VPS35L: variants seen among roughly 807,000 people sequenced by gnomAD.
The protein encoded by VPS35L is VPS35 endosomal protein sorting factor like.
Under a neutral mutation model 133.0 loss-of-function variants are expected in VPS35L, and 83 were observed. That is an observed-to-expected ratio of 0.62 (90% CI 0.52 to 0.75). The LOEUF (loss-of-function observed/expected upper bound fraction) is 0.75, where lower values mean the gene tolerates loss of function less well. Among genes scored for constraint, VPS35L ranks in the 30% least tolerant of loss-of-function variants. The pLI, the probability that VPS35L is intolerant of heterozygous loss-of-function variation, is 0.00. For synonymous variants in VPS35L, 423 were observed against 449.9 expected (o/e 0.94, Z 0.76); for missense variants, 1,083 against 1,206.8 (o/e 0.90, Z 1.52).
In VPS35L at chr16:19,616,764, G is replaced by A; in HGVS notation, c.1180G>A (p.Ala394Thr). 1 of 1,614,162 alleles carries A rather than the reference G, an allele frequency of 6.2e-7. No individual in the cohort carries two copies. The highest frequency in any genetic ancestry group is 8.5e-7 in the Non-Finnish European group (1 of 1,180,016). ...LPSYLPLYPP[A>T]MDWIFQCISY... is the part of the protein sequence containing the mutation. ...ATCTTACCTCCCCTTGTACCCGCCT[G>A]CCATGGACTGGATCTTCCAGTGCAT... is the stretch of plus-strand genomic sequence containing the variant. The change falls in exon 14 of 31, where the codon GCC (alanine) becomes ACC (threonine). Residue 394 changes from alanine to threonine, a missense_variant. Transcript: ENST00000417362.
intron 27 of VPS35L, among the ~76,000 whole-genome samples, chr16:19,675,190 C>T (rs1461264588): frequency 6.6e-6 from 1 of 151,816 alleles, no homozygotes; most frequent in Non-Finnish European, 1.5e-5. Context: ...GGCTCAAGTG[C>T]TCCTCCAGCC....
At chr16:19,615,466 A>G (rs895561938) in intron 12 of VPS35L, among the ~76,000 whole-genome samples, 1 of 151,476 alleles carries the variant, frequency 6.6e-6, no homozygotes, top group African/African-American at 2.4e-5. Context: ...CCCGGCCAAC[A>G]TGGTGAAACC....
chr16:19,586,375 C>T (rs1385038487), intron 7 of VPS35L, among the ~76,000 whole-genome samples: 3 of 151,864 alleles, frequency 2.0e-5, no homozygotes, highest in Non-Finnish European at 4.4e-5. Context: ...GTTTCGCTCT[C>T]GTTGCCCAGG....
intron 2 of VPS35L, among the ~76,000 whole-genome samples, chr16:19,567,402 G>T (rs1971222868): frequency 6.6e-6 from 1 of 152,174 alleles, no homozygotes; most frequent in East Asian, 1.9e-4. Flanking sequence ...ATTGGGGTAG[G>T]TCTAATGCTC....
chr16:19,573,000 C>T lies in VPS35L; in HGVS notation c.286-119C>T, dbSNP rs540540713. 8.3e-6 allele frequency: 10 copies of T among 1,204,904 alleles called. No individual in the cohort carries two copies. The South Asian group carries it at 1.7e-4, about 20-fold the overall frequency. 74.6% of individuals were successfully genotyped at this position (1,204,904 alleles called of 1,614,324 possible). ...CTGTAATTTTTTTTATGATAGTAAA[C>T]CTTGAGACAAATCTCTTTTATTCCA... On this transcript the variant is annotated intron_variant, in intron 3 of 30. Transcript: ENST00000417362.
intron 14 of VPS35L, 117 bp from the exon 15 acceptor site, chr16:19,626,060 A>T: frequency 1.5e-6 from 1 of 654,258 alleles, no homozygotes; most frequent in Non-Finnish European, 2.6e-6. Flanking sequence ...ACTGAGAATT[A>T]TCTTAATGGA....
rs1356828728 is a variant in VPS35L at position 19,647,852 on chromosome 16, T to C, written c.1998T>C (p.Asn666=). ...TTGAGTCCAGGTCGATGTTTTGCAA[T>C]CTGGAGCCTGTTCTTGTGCAGTTGA... is the stretch of plus-strand genomic sequence containing the variant. ...FYVESRSMFC[N]LEPVLVQLIH... is the part of the protein sequence containing the mutation. The change falls in exon 24 of 31, where the codon AAT becomes AAC. Residue 666 remains asparagine, a synonymous_variant. Transcript: ENST00000417362. The C allele has an allele frequency of 2.5e-6, 4 of 1,614,136 alleles. 1 individual carries two copies. The South Asian group carries it at 4.4e-5, about 18-fold the overall frequency.
rs1971594331 is a variant in VPS35L at position 19,578,227 on chromosome 16, G to T, written c.434-825G>T. The T allele has an allele frequency of 6.7e-6, 3 of 447,172 alleles. No individual in the cohort carries two copies. In the Admixed American group the frequency reaches 7.4e-5, roughly 11 times the overall value. The allele number at this position is 447,172 out of a possible 1,614,324, so 27.7% of individuals were successfully genotyped here. On this transcript the variant is annotated intron_variant, in intron 5 of 30. Transcript: ENST00000417362. Reference sequence around the variant, plus strand: ...GTGACTCTTAAAACCTAAAACATTTGTCAGGCTTACAAAAAGAGTTCTGCA... The same window carrying T: ...GTGACTCTTAAAACCTAAAACATTTTTCAGGCTTACAAAAAGAGTTCTGCA...
At chr16:19,585,694 C>G (rs924249938) in intron 7 of VPS35L, among the ~76,000 whole-genome samples, 4 of 151,462 alleles carry the variant, frequency 2.6e-5, no homozygotes, top group African/African-American at 9.7e-5. Context: ...TCTGAGCCAT[C>G]ACACCTGGCC....
chr16:19,669,657 C>G (rs1197429276), intron 27 of VPS35L, among the ~76,000 whole-genome samples: 1 of 134,590 alleles, frequency 7.4e-6, no homozygotes, highest in Non-Finnish European at 1.6e-5. Context: ...ACCATCTTCT[C>G]TCTCTTTCTG....
chr16:19,699,369 A>T lies in VPS35L; in HGVS notation c.2647-133A>T. ...TTTGGGAGGTTCAGCAGCTTGCCCT[A>T]CAGCAAATACATGGCAGAGCTGGCA... On this transcript the variant is annotated intron_variant, in intron 29 of 30. Transcript: ENST00000417362. The surrounding 1 kb of genome is among the most constrained non-coding windows in gnomAD (Gnocchi z 4.2). 8.6e-7 allele frequency: 1 copy of T among 1,161,346 alleles called. No individual in the cohort carries two copies. Among genetic ancestry groups the T allele is most frequent in the Non-Finnish European group, 1.2e-6 (1 of 829,262 alleles). 71.9% of individuals were successfully genotyped at this position (1,161,346 alleles called of 1,614,324 possible). A position where few individuals can be genotyped will look rare whatever the true frequency, so the allele number is the denominator to read the frequency against.
intron 14 of VPS35L, among the ~76,000 whole-genome samples, chr16:19,620,181 T>A (rs116426819): frequency 0.015 from 2,246 of 152,300 alleles, 65 homozygotes; most frequent in African/African-American, 0.052. Context: ...TGACTTCTTT[T>A]CTCTCCTCCT....
At position 19,610,342 on chromosome 16, in the gene VPS35L, C is replaced by G. The variant is rs1365036798; in HGVS notation, c.950C>G (p.Pro317Arg). The G allele has an allele frequency of 2.5e-6, 4 of 1,613,850 alleles. No homozygotes were observed. The highest frequency in any genetic ancestry group is 3.3e-5 in the Admixed American group (2 of 59,974). ...TGCAGGGGAATTTCAGAGTGCCTGC[C>G]CCGGTTGACATGCATGATCAGAGGG... ...LSKTGISECL[P>R]RLTCMIRGIG... Residue 317 changes from proline to arginine, a missense_variant, in exon 12 of 31, where the codon CCC becomes CGC. Transcript: ENST00000417362.
chr16:19,604,492 G>GT (rs796492842), intron 9 of VPS35L, among the ~76,000 whole-genome samples: 14 of 151,284 alleles, frequency 9.3e-5, no homozygotes, highest in South Asian at 2.1e-4. Flanking sequence ...AAATGATTTG[G>GT]TTTTTTTTTC....
chr16:19,640,154 C>A lies in VPS35L; in HGVS notation c.1784+54C>A, dbSNP rs1016123610. The A allele has an allele frequency of 4.9e-5, 75 of 1,520,210 alleles. 2 individuals are homozygous for A. The South Asian group carries it at 8.6e-4, about 17-fold the overall frequency. The allele number at this position is 1,520,210 out of a possible 1,614,324, so 94.2% of individuals were successfully genotyped here. ...TTGATTCCCAATGTCCTTGTGAAAC[C>A]TGTTGATAAAAAATCAGTTCTTGCA... On this transcript the variant is annotated intron_variant, in intron 21 of 30. Transcript: ENST00000417362.
intron 12 of VPS35L, among the ~76,000 whole-genome samples, chr16:19,613,724 G>T (rs979090786): frequency 2.0e-5 from 3 of 152,130 alleles, no homozygotes; most frequent in Non-Finnish European, 2.9e-5. Flanking sequence ...TGGGGTCTGG[G>T]GTTGGTGTCT....
At chr16:19,671,364 G>A (rs1974866058) in intron 27 of VPS35L, among the ~76,000 whole-genome samples, 1 of 151,732 alleles carries the variant, frequency 6.6e-6, no homozygotes, top group Non-Finnish European at 1.5e-5. Flanking sequence ...AGCTACTTGG[G>A]AGGCTGAGGC....
intron 9 of VPS35L, 56 bp downstream of exon 9, chr16:19,601,779 G>A (rs1972392361): frequency 1.3e-6 from 2 of 1,555,156 alleles, no homozygotes; most frequent in African/African-American, 2.7e-5. Flanking sequence ...GGACTAGAAG[G>A]CTTTTATTGA....
At chr16:19,656,123 T>C (rs1239562358) in intron 26 of VPS35L, among the ~76,000 whole-genome samples, 1 of 151,592 alleles carries the variant, frequency 6.6e-6, no homozygotes, top group Non-Finnish European at 1.5e-5. Flanking sequence ...AATTAGGCAG[T>C]TGTGGTGGTG....
Sources: gnomAD v4.1 joint callset for allele counts (sites outside exome capture counted in the v4.1 genomes callset) on GRCh38, gnomAD v4.1.1 for gene constraint, Gnocchi (gnomAD v3.1) non-coding constraint, MANE v1.5 for transcripts, NCBI Gene and HGNC (gene_info 2026-07-23, HGNC 2026-07-21) for gene names.